The following CDH4 variants were observed in gnomAD, a reference collection of about 807,000 sequenced individuals.
CDH4 encodes cadherin 4.
In CDH4, 33 loss-of-function variants were observed where a neutral mutation model predicts 86.0. That is an observed-to-expected ratio of 0.38 (90% CI 0.29 to 0.51). CDH4 has a LOEUF of 0.51. Ranked by LOEUF, CDH4 falls within the 20% of genes least tolerant of loss-of-function variation. The pLI is 0.86. For synonymous variants in CDH4, 555 were observed against 549.4 expected (o/e 1.01, Z -0.14); for missense variants, 1,114 against 1,307.4 (o/e 0.85, Z 2.28).
At chr20:61,466,351 T>C (rs1406936411) in intron 2 of CDH4, among the ~76,000 whole-genome samples, 5 of 152,240 alleles carry the variant, frequency 3.3e-5, no homozygotes, top group Non-Finnish European at 7.3e-5. Context: ...GAATGTTTTC[T>C]CTTAACATGC....
At chr20:61,414,559 A>T (rs755779060) in intron 2 of CDH4, among the ~76,000 whole-genome samples, 34 of 152,160 alleles carry the variant, frequency 2.2e-4, no homozygotes, top group African/African-American at 8.0e-4. Context: ...ACATGATTCA[A>T]CTGTTCTCTG....
At chr20:61,423,308 A>G (rs984598254) in intron 2 of CDH4, among the ~76,000 whole-genome samples, 3 of 152,208 alleles carry the variant, frequency 2.0e-5, no homozygotes, top group Non-Finnish European at 2.9e-5. Context: ...GAGCTGTTCC[A>G]GTGCCCCGGG....
chr20:61,442,298 G>A (rs2085318660), intron 2 of CDH4, among the ~76,000 whole-genome samples: 1 of 152,154 alleles, frequency 6.6e-6, no homozygotes, highest in Admixed American at 6.5e-5. Context: ...GGTGTGGATG[G>A]AACCATGCCT....
At chr20:61,596,614 G>T (rs911457035) in intron 2 of CDH4, among the ~76,000 whole-genome samples, 1 of 152,210 alleles carries the variant, frequency 6.6e-6, no homozygotes, top group Non-Finnish European at 1.5e-5. Context: ...AATGTTTACT[G>T]ACGGGTTGTA....
chr20:61,889,475 G>A lies in CDH4; in HGVS notation c.1051-5435G>A, dbSNP rs577408213. On this transcript the variant is annotated intron_variant, in intron 7 of 15. Coordinates refer to ENST00000614565, the MANE Select transcript of CDH4 (RefSeq NM_001794.5). Reference sequence around the variant, plus strand: ...TGGATGGATGGATGGATGGATAGATGATGGATGAGTGAGTGGATGATGGAT... The same window carrying A: ...TGGATGGATGGATGGATGGATAGATAATGGATGAGTGAGTGGATGATGGAT... Among the ~76,000 whole-genome samples, 344 of 52,450 alleles carry A rather than the reference G, an allele frequency of 6.6e-3. 2 individuals carry two copies. The highest frequency in any genetic ancestry group is 5.2e-3 in the Non-Finnish European group (55 of 10,588). The allele number at this position is 52,450 out of a possible 152,430, so 34.4% of individuals were successfully genotyped here.
chr20:61,621,632 C>T (rs1344576073), intron 2 of CDH4, among the ~76,000 whole-genome samples: 1 of 152,146 alleles, frequency 6.6e-6, no homozygotes, highest in Admixed American at 6.5e-5. Flanking sequence ...GCATCAGCTG[C>T]AGAGGGAAAT....
intron 7 of CDH4, among the ~76,000 whole-genome samples, chr20:61,889,972 T>A (rs1453435850): frequency 7.1e-6 from 1 of 141,668 alleles, no homozygotes; most frequent in African/African-American, 2.7e-5. Context: ...GATGGATGGA[T>A]GATGGGTGGA....
At chr20:61,621,324 C>G (rs2086775441) in intron 2 of CDH4, among the ~76,000 whole-genome samples, 1 of 152,220 alleles carries the variant, frequency 6.6e-6, no homozygotes, top group Admixed American at 6.5e-5. Flanking sequence ...TCTCCAACAA[C>G]AGCCTGTCTC....
intron 2 of CDH4, among the ~76,000 whole-genome samples, chr20:61,614,992 A>G (rs1311789305): frequency 6.6e-6 from 1 of 152,110 alleles, no homozygotes; most frequent in Non-Finnish European, 1.5e-5. Flanking sequence ...ACCCCAGAAC[A>G]CCAGAAACCA....
intron 2 of CDH4, among the ~76,000 whole-genome samples, chr20:61,403,818 G>A (rs2085063917): frequency 6.6e-6 from 1 of 152,120 alleles, no homozygotes; most frequent in South Asian, 2.1e-4. Context: ...AACTGAGAGG[G>A]GAAATCAACA....
In CDH4 at chr20:61,436,134, C is replaced by T. The variant is rs553389046; in HGVS notation, c.169+181197C>T. The stretch of plus-strand genomic sequence containing the variant: ...CCAGTGGAGCTGGCCCTGCCCTCCT[C>T]GACTAGGTCAGGACCTCCTAGTCTC... On this transcript the variant is annotated intron_variant, in intron 2 of 15. Coordinates refer to ENST00000614565, the MANE Select transcript of CDH4 (RefSeq NM_001794.5). Among the ~76,000 whole-genome samples the T allele has an allele frequency of 2.6e-5, 4 of 152,280 alleles. No homozygotes were observed. In the South Asian group the frequency reaches 6.2e-4, roughly 24 times the overall value.
chr20:61,583,172 GGGGGGACAGAGGGC>G (rs2086443167), intron 2 of CDH4, among the ~76,000 whole-genome samples: 2 of 24,092 alleles, frequency 8.3e-5, no homozygotes, highest in African/African-American at 8.8e-5. Flanking sequence ...GGGCTCTGCG[GGGGGGACAGAGGGC>G]TCTGCGGAGG....
intron 2 of CDH4, among the ~76,000 whole-genome samples, chr20:61,690,442 G>A (rs1452776748): frequency 1.3e-5 from 2 of 152,152 alleles, no homozygotes; most frequent in African/African-American, 4.8e-5. Context: ...GTGATGCCAG[G>A]AGGGAGGGGC....
intron 3 of CDH4, 49 bp downstream of exon 3, chr20:61,743,838 C>T (rs2088376369): frequency 3.6e-6 from 5 of 1,371,014 alleles, no homozygotes; most frequent in Non-Finnish European, 5.1e-6. Context: ...TGACCTAGTT[C>T]CTCCTGCAGG....
At position 61,708,638 on chromosome 20, in the gene CDH4, C is replaced by T. The variant is rs143404076; in HGVS notation, c.170-34925C>T. ...CCACCCTCCTGTGCCTGGAGCCCCT[C>T]CCAGACGTTTGCACCCCACCCCTTC... On this transcript the variant is annotated intron_variant, in intron 2 of 15. Coordinates refer to ENST00000614565, the MANE Select transcript of CDH4 (RefSeq NM_001794.5). The surrounding 1 kb of genome is among the most constrained non-coding windows in gnomAD (Gnocchi z 4.5). Among the ~76,000 whole-genome samples the T allele has an allele frequency of 1.4e-4, 22 of 152,232 alleles. No individual in the cohort carries two copies. Among genetic ancestry groups the T allele is most frequent in the Non-Finnish European group, 2.6e-4 (18 of 68,032 alleles).
At chr20:61,304,579 A>G (rs939012693) in intron 2 of CDH4, among the ~76,000 whole-genome samples, 4 of 152,064 alleles carry the variant, frequency 2.6e-5, no homozygotes, top group Non-Finnish European at 5.9e-5. Context: ...GAATTGTACT[A>G]GAGGGCCTGG....
chr20:61,849,572 C>T (rs996202408), intron 5 of CDH4, among the ~76,000 whole-genome samples: 1 of 152,022 alleles, frequency 6.6e-6, no homozygotes, highest in Non-Finnish European at 1.5e-5. Context: ...GCTCCCCCGG[C>T]CCTAGGGAGG....
chr20:61,820,041 C>T (rs978935208), intron 4 of CDH4, among the ~76,000 whole-genome samples: 6 of 152,354 alleles, frequency 3.9e-5, no homozygotes, highest in Non-Finnish European at 5.9e-5. Flanking sequence ...TTCCTCCTCC[C>T]GCACTCTCCC....
chr20:61,862,376 G>C (rs548406023), intron 6 of CDH4, among the ~76,000 whole-genome samples: 2 of 152,320 alleles, frequency 1.3e-5, no homozygotes, highest in East Asian at 3.9e-4. Flanking sequence ...ACTAGCTCCT[G>C]GTTCTCCCAA....
Sources: gnomAD v4.1 joint callset for allele counts (sites outside exome capture counted in the v4.1 genomes callset) on GRCh38, gnomAD v4.1.1 for gene constraint, Gnocchi (gnomAD v3.1) non-coding constraint, MANE v1.5 for transcripts, NCBI Gene and HGNC (gene_info 2026-07-23, HGNC 2026-07-21) for gene names.